Variants in AFF2 observed in about 807,000 individuals in gnomAD.
The protein encoded by AFF2 is AF4/FMR2 family member 2.
In AFF2, 14 loss-of-function variants were observed where a neutral mutation model predicts 76.9. The ratio of observed to expected loss-of-function variants is 0.18; its 90% CI spans 0.12 to 0.28. The LOEUF (loss-of-function observed/expected upper bound fraction) is 0.28, where lower values mean the gene tolerates loss of function less well. AFF2 is among the 10% of genes least tolerant of loss of function. The pLI, the probability that AFF2 is intolerant of heterozygous loss-of-function variation, is 1.00. For missense variants in AFF2, 868 were observed against 1,001.1 expected, an observed-to-expected ratio of 0.87 and a Z score of 1.79; for synonymous variants, 398 against 366.7, an observed-to-expected ratio of 1.09 and a Z score of -0.98.
intron 1 of AFF2, among the ~76,000 whole-genome samples, chrX:148,554,029 G>A (rs782767614): frequency 9.3e-4 from 104 of 111,807 alleles, no homozygotes; most frequent in African/African-American, 3.0e-3. Context: ...AATAGAGTGT[G>A]GGTTAACTGT....
chrX:148,605,066 A>G (rs370325986), intron 1 of AFF2, among the ~76,000 whole-genome samples: 21 of 111,749 alleles, frequency 1.9e-4, no homozygotes, highest in African/African-American at 6.8e-4. Flanking sequence ...TCCTAGAGAA[A>G]TACACATTAC....
At position 148,750,239 on chromosome X, in the gene AFF2, G is replaced by A. The variant is rs781850294; in HGVS notation, c.1042-59637G>A. ...CCTGCCTCGGCCTCCCAAAGTGCTT[G>A]GATTACAGGCGGAGCCACTGCGCCC... is the stretch of plus-strand genomic sequence containing the variant. On this transcript the variant is annotated intron_variant, in intron 3 of 20. Transcript: ENST00000370460. 5.5e-3 allele frequency among the ~76,000 whole-genome samples: 615 copies of A among 111,211 alleles called. 3 individuals carry two copies. Among genetic ancestry groups the A allele is most frequent in the Non-Finnish European group, 9.0e-3 (480 of 53,058 alleles).
At chrX:148,927,830 T>C (rs1448233595) in intron 9 of AFF2, among the ~76,000 whole-genome samples, 1 of 112,122 alleles carries the variant, frequency 8.9e-6, no homozygotes, top group East Asian at 2.8e-4. Flanking sequence ...AATTGTACTT[T>C]ATTTAAATAA....
intron 7 of AFF2, among the ~76,000 whole-genome samples, chrX:148,871,076 C>T (rs73609919): frequency 0.048 from 5,326 of 110,598 alleles, 325 homozygotes; most frequent in African/African-American, 0.16. Flanking sequence ...TTGTGGGGAG[C>T]GGGTGGGGGG....
intron 3 of AFF2, among the ~76,000 whole-genome samples, chrX:148,805,748 G>A (rs1317781232): frequency 1.8e-5 from 2 of 112,617 alleles, no homozygotes; most frequent in Non-Finnish European, 3.8e-5. Context: ...GCTACATGGG[G>A]TGGCAGCCTG....
intron 3 of AFF2, chrX:148,719,070 G>A: frequency 1.9e-6 from 2 of 1,072,382 alleles, no homozygotes; most frequent in Non-Finnish European, 2.4e-6. Context: ...CAGTTTTGGG[G>A]CAGTCTGGGA....
chrX:148,866,038 C>G (rs1371629494), intron 7 of AFF2, among the ~76,000 whole-genome samples: 1 of 111,457 alleles, frequency 9.0e-6, no homozygotes, highest in Non-Finnish European at 1.9e-5. Flanking sequence ...TAATTAGCAC[C>G]CTTGTTGGCA....
intron 3 of AFF2, among the ~76,000 whole-genome samples, chrX:148,791,233 T>G (rs1168756275): frequency 5.4e-5 from 6 of 112,083 alleles, no homozygotes; most frequent in Admixed American, 9.5e-5. Context: ...GAGGTTTAAT[T>G]GACTCACAGC....
intron 1 of AFF2, among the ~76,000 whole-genome samples, chrX:148,523,320 C>T (rs1326057849): frequency 4.5e-5 from 5 of 111,067 alleles, no homozygotes; most frequent in African/African-American, 1.6e-4. Flanking sequence ...GTACATATAC[C>T]CCATTCATGT....
chrX:148,980,816 T>C (rs369565593), intron 19 of AFF2, 26 bp downstream of exon 19: 33 of 1,124,163 alleles, frequency 2.9e-5, no homozygotes, highest in Non-Finnish European at 3.9e-5. Context: ...AAATTGCTTT[T>C]TCGTGAAGAT....
rs782699469 is a variant in AFF2, at chrX:148,697,123, T to TA, written c.1041+34357dup. On this transcript the variant is annotated intron_variant, in intron 3 of 20. Transcript: ENST00000370460. ...TTTCCTATTCCTTCTCAAATGGCTT[T>TA]AAGTTCCTACTCCACTTTCAGGAAT... Among the ~76,000 whole-genome samples the TA allele has an allele frequency of 8.2e-4, 92 of 112,521 alleles. 1 individual carries two copies. The Middle Eastern group carries it at 0.014, about 17-fold the overall frequency.
intron 1 of AFF2, among the ~76,000 whole-genome samples, chrX:148,564,855 A>AT (rs1280302986): frequency 8.9e-6 from 1 of 112,068 alleles, no homozygotes; most frequent in Non-Finnish European, 1.9e-5. Context: ...TAGGTAGCAC[A>AT]TTCCACACAG....
At chrX:148,731,586 T>G (rs1276351436) in intron 3 of AFF2, among the ~76,000 whole-genome samples, 1 of 111,026 alleles carries the variant, frequency 9.0e-6, no homozygotes, top group Non-Finnish European at 1.9e-5. Context: ...CAAGAGAAAA[T>G]TCTGCCATTT....
chrX:148,712,019 T>C (rs2054973045), intron 3 of AFF2, among the ~76,000 whole-genome samples: 1 of 111,807 alleles, frequency 8.9e-6, no homozygotes, highest in Non-Finnish European at 1.9e-5. Context: ...GATGCTGTGC[T>C]ACAGTCTGTG....
chrX:148,817,720 T>A (rs1455660556), intron 4 of AFF2, among the ~76,000 whole-genome samples: 14 of 112,015 alleles, frequency 1.2e-4, no homozygotes, highest in Non-Finnish European at 9.4e-5. Context: ...CAAAGCTCCT[T>A]AATGAAATAC....
At chrX:148,532,331 C>G (rs782376551) in intron 1 of AFF2, among the ~76,000 whole-genome samples, 2 of 112,083 alleles carry the variant, frequency 1.8e-5, no homozygotes, top group East Asian at 5.6e-4. Context: ...TGGACTGACA[C>G]AGACTCCATT....
At chrX:148,984,177 G>A (rs111668687) in intron 19 of AFF2, among the ~76,000 whole-genome samples, 4,456 of 109,931 alleles carry the variant, frequency 0.041, 196 homozygotes, top group African/African-American at 0.13. Flanking sequence ...CCATGGCAAT[G>A]CTGGAGGAGT....
At chrX:148,791,631 T>C (rs781965493) in intron 3 of AFF2, among the ~76,000 whole-genome samples, 38 of 112,762 alleles carry the variant, frequency 3.4e-4, no homozygotes, top group Admixed American at 1.4e-3. Context: ...TCTCATTTGA[T>C]TTAATCTGTT....
At chrX:148,952,976 G>A (rs781894737) in intron 9 of AFF2, among the ~76,000 whole-genome samples, 1 of 111,235 alleles carries the variant, frequency 9.0e-6, no homozygotes, top group East Asian at 2.9e-4. Flanking sequence ...CACAGCTAGT[G>A]CCCTTTGAAG....
Sources: gnomAD v4.1 joint callset for allele counts (sites outside exome capture counted in the v4.1 genomes callset) on GRCh38, gnomAD v4.1.1 for gene constraint, MANE v1.5 for transcripts, NCBI Gene and HGNC (gene_info 2026-07-23, HGNC 2026-07-21) for gene names.